PRKN: variants seen among roughly 807,000 people sequenced by gnomAD.
PRKN encodes the protein E3 ubiquitin-protein ligase parkin.
In PRKN, 56 loss-of-function variants were observed where a neutral mutation model predicts 59.5. That is an observed-to-expected ratio of 0.94 (90% CI 0.76 to 1.18). PRKN has a LOEUF of 1.18. Among genes scored for constraint, PRKN ranks in the 50% most tolerant of loss-of-function variants. PRKN has a pLI of 0.00. For missense variants in PRKN, 657 were observed against 596.4 expected (o/e 1.10, Z -1.06); for synonymous variants, 250 against 222.1 (o/e 1.13, Z -1.12).
intron 6 of PRKN, among the ~76,000 whole-genome samples, chr6:161,896,879 T>C (rs1198063503): frequency 6.6e-6 from 1 of 152,184 alleles, no homozygotes; most frequent in Non-Finnish European, 1.5e-5. Context: ...AATATAATAT[T>C]CAGAGGACAG....
At chr6:162,091,253 T>C (rs1779482593) in intron 4 of PRKN, among the ~76,000 whole-genome samples, 1 of 152,198 alleles carries the variant, frequency 6.6e-6, no homozygotes, top group South Asian at 2.1e-4. Context: ...GGATGCATTT[T>C]AGTAATAAAG....
rs146680242 is a variant in PRKN at position 161,826,129 on chromosome 6, C to T, written c.735-40221G>A. On this transcript the variant is annotated intron_variant, in intron 6 of 11. Coordinates refer to ENST00000366898, the MANE Select transcript of PRKN (RefSeq NM_004562.3). ...CCTGGCAATCTAGCAGGTAGGAGCC[C>T]TCATTACTGTAGCTATTATCATTAC... Among the ~76,000 whole-genome samples the T allele has an allele frequency of 4.0e-3, 611 of 152,174 alleles. 3 individuals carry two copies. The highest frequency in any genetic ancestry group is 0.014 in the African/African-American group (581 of 41,510).
At chr6:162,397,392 T>G (rs922428599) in intron 2 of PRKN, among the ~76,000 whole-genome samples, 48 of 151,832 alleles carry the variant, frequency 3.2e-4, no homozygotes, top group Non-Finnish European at 4.4e-5. Context: ...ACAATCTCTC[T>G]TTTTTTCTTA....
intron 10 of PRKN, among the ~76,000 whole-genome samples, chr6:161,365,913 T>A (rs374340549): frequency 6.6e-6 from 1 of 152,184 alleles, no homozygotes; most frequent in African/African-American, 2.4e-5. Flanking sequence ...GAGGGTTTGA[T>A]CCTTAGACTG....
intron 6 of PRKN, among the ~76,000 whole-genome samples, chr6:161,852,071 A>C (rs1418335855): frequency 1.4e-5 from 2 of 143,794 alleles, no homozygotes; most frequent in East Asian, 4.4e-4. Flanking sequence ...TGGGTGACAG[A>C]GCAGGACTCC....
rs374636683 is a variant in PRKN at position 162,474,927 on chromosome 6, T to C, written c.8-31454A>G. Among the ~76,000 whole-genome samples the C allele has an allele frequency of 1.2e-4, 18 of 152,300 alleles. No homozygotes were observed. The South Asian group carries it at 3.7e-3, about 32-fold the overall frequency. On this transcript the variant is annotated intron_variant, in intron 1 of 11. Transcript: ENST00000366898. ...TGAAGAGACAAAAACATGCTGACAC[T>C]GTCATTATTTCTACAAATGTCAAAA...
chr6:162,517,548 G>A (rs899941327), intron 1 of PRKN, among the ~76,000 whole-genome samples: 1 of 151,840 alleles, frequency 6.6e-6, no homozygotes, highest in Non-Finnish European at 1.5e-5. Context: ...GAGCGACTGC[G>A]CCCGGCCAAT....
In PRKN at chr6:161,355,526, C is replaced by T. The variant is rs867248248; in HGVS notation, c.1285+4562G>A. On this transcript the variant is annotated intron_variant, in intron 11 of 11. Transcript: ENST00000366898. This position sits in a 1 kb window ranked among gnomAD's most constrained non-coding sequence, Gnocchi z 6.8. ...AACCAATTCTTGTGTCTCGGCCTCC[C>T]GAGTAGCTGGGATCACAGGTGCCTG... Among the ~76,000 whole-genome samples, 23 of 152,156 alleles carry T rather than the reference C, an allele frequency of 1.5e-4. No homozygotes were observed. Among genetic ancestry groups the T allele is most frequent in the Middle Eastern group, 6.8e-3 (2 of 294 alleles).
intron 4 of PRKN, among the ~76,000 whole-genome samples, chr6:162,072,793 T>C (rs969554595): frequency 1.3e-5 from 2 of 152,200 alleles, no homozygotes; most frequent in Non-Finnish European, 2.9e-5. Context: ...TGATATGTAA[T>C]GTGGAAATAA....
intron 7 of PRKN, among the ~76,000 whole-genome samples, chr6:161,766,540 C>A (rs1789431481): frequency 6.6e-6 from 1 of 152,100 alleles, no homozygotes; most frequent in Admixed American, 6.5e-5. Flanking sequence ...GATTTCTTGA[C>A]CTTGTGATCC....
intron 1 of PRKN, among the ~76,000 whole-genome samples, chr6:162,667,225 T>A (rs1216159259): frequency 6.6e-6 from 1 of 152,072 alleles, no homozygotes; most frequent in Non-Finnish European, 1.5e-5. Context: ...CCTTAGCAAT[T>A]TGTTTTTCTT....
At chr6:161,733,783 A>AAATAT (rs35360887) in intron 7 of PRKN, among the ~76,000 whole-genome samples, 1 of 86,228 alleles carries the variant, frequency 1.2e-5, no homozygotes, top group African/African-American at 8.8e-5. Context: ...AAAAAAAAAA[A>AAATAT]ATATATATAT....
chr6:161,658,030 AAAAAG>A (rs71544913), intron 7 of PRKN, among the ~76,000 whole-genome samples: 259 of 104,732 alleles, frequency 2.5e-3, no homozygotes, highest in East Asian at 4.5e-3. Flanking sequence ...AAAAAAAAAA[AAAAAG>A]AAAAGAAAAG....
At chr6:161,800,815 C>T (rs1184801578) in intron 6 of PRKN, among the ~76,000 whole-genome samples, 1 of 152,216 alleles carries the variant, frequency 6.6e-6, no homozygotes, top group Non-Finnish European at 1.5e-5. Flanking sequence ...GGCACAATGT[C>T]TGGTGACTCT....
In PRKN at chr6:161,856,236, T is replaced by C. The variant is rs183736078; in HGVS notation, c.735-70328A>G. Among the ~76,000 whole-genome samples, 608 of 152,188 alleles carry C rather than the reference T, an allele frequency of 4.0e-3. 3 individuals carry two copies. The highest frequency in any genetic ancestry group is 0.014 in the African/African-American group (570 of 41,520). ...TTAGCCAGGCATGAGGGCGGGCACC[T>C]GTAATCCCAGCTGCTCGGGAAGCTG... On this transcript the variant is annotated intron_variant, in intron 6 of 11. Coordinates refer to ENST00000366898, the MANE Select transcript of PRKN (RefSeq NM_004562.3).
At chr6:162,083,160 G>T (rs1779126238) in intron 4 of PRKN, among the ~76,000 whole-genome samples, 1 of 151,824 alleles carries the variant, frequency 6.6e-6, no homozygotes, top group Admixed American at 6.6e-5. Flanking sequence ...TTTCCATATT[G>T]GCCAGGCTGG....
intron 3 of PRKN, among the ~76,000 whole-genome samples, chr6:162,239,905 G>A (rs1778912992): frequency 6.6e-6 from 1 of 152,034 alleles, no homozygotes; most frequent in African/African-American, 2.4e-5. Context: ...CAATAACCCA[G>A]GCCTCCCAGA....
At chr6:162,285,688 G>T (rs1172107539) in intron 2 of PRKN, among the ~76,000 whole-genome samples, 4 of 152,068 alleles carry the variant, frequency 2.6e-5, no homozygotes, top group Admixed American at 1.3e-4. Flanking sequence ...AGAGACAGCT[G>T]GCACCTCATC....
chr6:161,916,420 C>A (rs549831597), intron 6 of PRKN, among the ~76,000 whole-genome samples: 1 of 152,108 alleles, frequency 6.6e-6, no homozygotes, highest in Non-Finnish European at 1.5e-5. Context: ...GAAAAGCAAA[C>A]AAGTAAGTAA....
Sources: allele counts gnomAD v4.1 joint callset (sites outside exome capture counted in the v4.1 genomes callset), GRCh38; gene constraint gnomAD v4.1.1; non-coding constraint Gnocchi (gnomAD v3.1); transcripts MANE v1.5; gene names NCBI Gene and HGNC (gene_info 2026-07-23, HGNC 2026-07-21).